The following PRKD1 variants were observed in gnomAD, a reference collection of about 807,000 sequenced individuals.
PRKD1 encodes the protein protein kinase D1.
PRKD1 carries 63 observed loss-of-function variants against 95.9 expected under a neutral mutation model. The ratio of observed to expected loss-of-function variants is 0.66; its 90% CI spans 0.54 to 0.81. The LOEUF (loss-of-function observed/expected upper bound fraction) is 0.81. Ranked by LOEUF, PRKD1 falls within the 30% of genes least tolerant of loss-of-function variation. PRKD1 has a pLI of 0.00. For synonymous variants in PRKD1, 425 were observed against 423.1 expected (o/e 1.00, Z -0.05); for missense variants, 1,048 against 1,165.3 (o/e 0.90, Z 1.47).
chr14:29,728,199 C>A (rs1373260253), intron 1 of PRKD1, among the ~76,000 whole-genome samples: 1 of 152,012 alleles, frequency 6.6e-6, no homozygotes, highest in Non-Finnish European at 1.5e-5. Context: ...ACTATTACAG[C>A]ACAAGGAAAC....
At position 29,927,652 on chromosome 14, in the gene PRKD1, G is replaced by T; in HGVS notation, c.-140C>A. On this transcript the variant is annotated 5_prime_UTR_variant, in exon 1 of 18. Coordinates refer to ENST00000331968, the MANE Select transcript of PRKD1 (RefSeq NM_002742.3). The stretch of plus-strand genomic sequence containing the variant: ...ATAAAAACTTTCCGGAAAAGTCCCT[G>T]GGCTGGGGGAGGGCAAGGGGATGAG... 1 of 569,696 alleles carries T rather than the reference G, an allele frequency of 1.8e-6. No homozygotes were observed. Among genetic ancestry groups the T allele is most frequent in the Non-Finnish European group, 2.3e-6 (1 of 433,026 alleles). 35.3% of individuals were successfully genotyped at this position (569,696 alleles called of 1,614,324 possible).
At chr14:29,776,147 G>A (rs115058889) in intron 1 of PRKD1, among the ~76,000 whole-genome samples, 2,562 of 152,244 alleles carry the variant, frequency 0.017, 65 homozygotes, top group African/African-American at 0.058. Flanking sequence ...CCATCAGTAC[G>A]TCATCATAAT....
intron 1 of PRKD1, among the ~76,000 whole-genome samples, chr14:29,726,058 C>T (rs909085619): frequency 6.6e-6 from 1 of 152,126 alleles, no homozygotes; most frequent in Non-Finnish European, 1.5e-5. Context: ...CGCTTTATTC[C>T]AATTCCATTA....
At chr14:29,810,795 T>C (rs1016537108) in intron 1 of PRKD1, among the ~76,000 whole-genome samples, 5 of 152,186 alleles carry the variant, frequency 3.3e-5, no homozygotes, top group Non-Finnish European at 7.3e-5. Flanking sequence ...CAACAAACTA[T>C]GTATTTCAGC....
chr14:29,769,820 A>G (rs964771604), intron 1 of PRKD1, among the ~76,000 whole-genome samples: 2 of 152,232 alleles, frequency 1.3e-5, no homozygotes, highest in Non-Finnish European at 2.9e-5. Flanking sequence ...TAAACACTGT[A>G]GATGTACTTA....
intron 1 of PRKD1, among the ~76,000 whole-genome samples, chr14:29,785,298 T>C (rs1889218476): frequency 6.6e-6 from 1 of 152,228 alleles, no homozygotes; most frequent in South Asian, 2.1e-4. Context: ...TGGTCAAATT[T>C]AGGTATTTTT....
At chr14:29,740,200 A>G (rs926458672) in intron 1 of PRKD1, among the ~76,000 whole-genome samples, 15 of 152,194 alleles carry the variant, frequency 9.9e-5, no homozygotes, top group African/African-American at 2.4e-4. Flanking sequence ...TGTACTTCAC[A>G]CTTCACACTA....
At chr14:29,852,671 G>T (rs573500405) in intron 1 of PRKD1, among the ~76,000 whole-genome samples, 1 of 151,864 alleles carries the variant, frequency 6.6e-6, no homozygotes, top group African/African-American at 2.4e-5. Context: ...CTGTAAAAGG[G>T]GTATAGTTTT....
chr14:29,778,829 C>G (rs1217115064), intron 1 of PRKD1, among the ~76,000 whole-genome samples: 1 of 152,094 alleles, frequency 6.6e-6, no homozygotes. Flanking sequence ...GGCAGAGACA[C>G]AACAAAAAAC....
At chr14:29,683,269 G>T (rs1883639952) in intron 2 of PRKD1, among the ~76,000 whole-genome samples, 1 of 152,086 alleles carries the variant, frequency 6.6e-6, no homozygotes. Context: ...AATATGGCGA[G>T]AATTGAAAAA....
At chr14:29,646,832 C>T (rs915271356) in intron 4 of PRKD1, among the ~76,000 whole-genome samples, 1 of 151,314 alleles carries the variant, frequency 6.6e-6, no homozygotes, top group South Asian at 2.1e-4. Context: ...GGGGATTTTC[C>T]AGCACAGAGC....
chr14:29,577,540 A>G, intron 17 of PRKD1, 84 bp from the exon 18 acceptor site: 1 of 1,311,396 alleles, frequency 7.6e-7, no homozygotes, highest in Non-Finnish European at 1.1e-6. Context: ...TCTGCAATCT[A>G]TGAGTTACCC....
chr14:29,615,499 G>A (rs1878792612), intron 13 of PRKD1, among the ~76,000 whole-genome samples: 1 of 152,178 alleles, frequency 6.6e-6, no homozygotes, highest in Admixed American at 6.5e-5. Context: ...TCGGCCTAAT[G>A]GCCCTTTCCA....
At chr14:29,888,935 T>C (rs1893838715) in intron 1 of PRKD1, among the ~76,000 whole-genome samples, 1 of 152,230 alleles carries the variant, frequency 6.6e-6, no homozygotes, top group African/African-American at 2.4e-5. Context: ...AAGCTAGCTC[T>C]TTATTGCATA....
intron 4 of PRKD1, among the ~76,000 whole-genome samples, chr14:29,654,416 T>C (rs1881715046): frequency 6.6e-6 from 1 of 152,154 alleles, no homozygotes; most frequent in South Asian, 2.1e-4. Context: ...TCAAGTGATC[T>C]GCCTGTCTCG....
At chr14:29,604,752 G>A (rs1594355082) in intron 13 of PRKD1, among the ~76,000 whole-genome samples, 1 of 152,106 alleles carries the variant, frequency 6.6e-6, no homozygotes, top group East Asian at 1.9e-4. Flanking sequence ...ACCTGATAGA[G>A]AATAAAAAGT....
At chr14:29,765,139 A>G (rs1408312444) in intron 1 of PRKD1, among the ~76,000 whole-genome samples, 1 of 152,242 alleles carries the variant, frequency 6.6e-6, no homozygotes, top group South Asian at 2.1e-4. Flanking sequence ...TCATTCTAGA[A>G]CTCAACTAAA....
chr14:29,773,250 C>G (rs1233397431), intron 1 of PRKD1, among the ~76,000 whole-genome samples: 1 of 152,050 alleles, frequency 6.6e-6, no homozygotes, highest in Non-Finnish European at 1.5e-5. Flanking sequence ...CACTGGAGGT[C>G]AGGAGTTTGA....
At chr14:29,779,407 T>C (rs1695952520) in intron 1 of PRKD1, among the ~76,000 whole-genome samples, 1 of 152,094 alleles carries the variant, frequency 6.6e-6, no homozygotes, top group South Asian at 2.1e-4. Context: ...CAGCCCCAAA[T>C]CTCCTTAAGC....
Sources: gnomAD v4.1 joint callset for allele counts (sites outside exome capture counted in the v4.1 genomes callset) on GRCh38, gnomAD v4.1.1 for gene constraint, MANE v1.5 for transcripts, NCBI Gene and HGNC (gene_info 2026-07-23, HGNC 2026-07-21) for gene names.